Variants in GCKR observed in about 807,000 individuals in gnomAD.
GCKR encodes glucokinase regulator.
A neutral mutation model predicts 82.9 loss-of-function variants in GCKR; 73 were observed. That is an observed-to-expected ratio of 0.88 (90% CI 0.73 to 1.07). GCKR has a LOEUF of 1.07. Ranked by LOEUF, GCKR falls within the 50% of genes least tolerant of loss-of-function variation. The pLI, the probability that GCKR is intolerant of heterozygous loss-of-function variation, is 0.00. For missense variants in GCKR, 784 were observed against 782.1 expected (o/e 1.00, Z -0.03); for synonymous variants, 294 against 291.8 (o/e 1.01, Z -0.08).
intron 14 of GCKR, 41 bp from the exon 15 acceptor site, chr2:27,507,936 A>G (rs371904450): frequency 3.2e-5 from 45 of 1,420,858 alleles, no homozygotes; most frequent in Non-Finnish European, 4.5e-5. Flanking sequence ...GAACAGCTGC[A>G]CAGCCAGCCT....
In GCKR at chr2:27,505,828, A is replaced by G; in HGVS notation, c.861A>G (p.Ala287=). The change falls in exon 10 of 19, where the codon GCA becomes GCG. Residue 287 remains alanine (A), a synonymous_variant. Transcript: ENST00000264717. The part of the protein sequence containing the change: ...AHKTVDQGIA[A]SQRCLLEILR... ...AGACTGTGGACCAGGGCATTGCAGC[A>G]TCTCAAAGGTAGGGAGGATCTGGAT... 6.6e-7 allele frequency: 1 copy of G among 1,525,974 alleles called. No individual in the cohort carries two copies. Among genetic ancestry groups the G allele is most frequent in the Non-Finnish European group, 9.1e-7 (1 of 1,099,580 alleles). The allele number at this position is 1,525,974 out of a possible 1,614,324, so 94.5% of individuals were successfully genotyped here.
intron 16 of GCKR, among the ~76,000 whole-genome samples, chr2:27,512,259 C>T (rs1463337893): frequency 1.5e-5 from 2 of 131,198 alleles, no homozygotes; most frequent in Admixed American, 7.9e-5. Flanking sequence ...AAAAAAAAGC[C>T]GGGCGTGGTG....
At chr2:27,505,977 T>C (rs1412514129) in intron 10 of GCKR, 141 bp downstream of exon 10, 1 of 738,200 alleles carries the variant, frequency 1.4e-6, no homozygotes, top group Non-Finnish European at 2.5e-6. Context: ...GGAAGGGAGC[T>C]GGGTAGTACA....
rs1383924524 is a variant in GCKR at position 27,523,415 on chromosome 2, G to A, written c.1854G>A (p.Glu618=). The A allele has an allele frequency of 6.2e-7, 1 of 1,608,922 alleles. No individual in the cohort carries two copies. The highest frequency in any genetic ancestry group is 1.1e-5 in the South Asian group (1 of 91,074). Residue 618 remains glutamate (E), a synonymous_variant, in exon 19 of 19, where the codon GAG becomes GAA. Transcript: ENST00000264717. ...PGQKRTADPL[E]ILEPDVQ The stretch of plus-strand genomic sequence containing the variant: ...AGAAGCGCACTGCGGACCCCCTCGA[G>A]ATCCTAGAGCCTGACGTTCAGTGAA...
chr2:27,505,192 C>T (rs201242863), intron 9 of GCKR, among the ~76,000 whole-genome samples: 37 of 139,732 alleles, frequency 2.6e-4, no homozygotes, highest in Admixed American at 1.4e-3. Flanking sequence ...GTCAGGAGAT[C>T]GAGACCATCC....
intron 10 of GCKR, 88 bp downstream of exon 10, chr2:27,505,924 T>G: frequency 1.2e-6 from 1 of 812,676 alleles, no homozygotes; most frequent in Non-Finnish European, 2.2e-6. Flanking sequence ...ATCCAAGGAC[T>G]GGGCTGGTGG....
intron 16 of GCKR, among the ~76,000 whole-genome samples, 179 bp from the exon 17 acceptor site, chr2:27,518,609 A>C (rs768179579): frequency 6.6e-6 from 1 of 152,196 alleles, no homozygotes; most frequent in African/African-American, 2.4e-5. Flanking sequence ...TGCCTGAGAC[A>C]ATCCTGGTTT....
In GCKR at chr2:27,523,631, T is replaced by A; in HGVS notation, c.*192T>A. On this transcript the variant is annotated 3_prime_UTR_variant, in exon 19 of 19. Coordinates refer to ENST00000264717, the MANE Select transcript of GCKR (RefSeq NM_001486.4). ...TTGCTCTCGACCTAGTGGTTTCTAC[T>A]CTCACCGACTTATTCTGATTTCAGA... 1.6e-6 allele frequency: 1 copy of A among 608,932 alleles called. No homozygotes were observed. Among genetic ancestry groups the A allele is most frequent in the Non-Finnish European group, 2.9e-6 (1 of 342,776 alleles). 37.7% of individuals were successfully genotyped at this position (608,932 alleles called of 1,614,324 possible).
intron 16 of GCKR, 42 bp from the exon 17 acceptor site, chr2:27,518,746 G>T (rs770959403): frequency 6.4e-7 from 1 of 1,565,650 alleles, no homozygotes; most frequent in Admixed American, 1.7e-5. Context: ...CTGCTTTTCT[G>T]TCCTCTAATT....
In GCKR at chr2:27,523,558, G is replaced by A. The variant is rs904857320; in HGVS notation, c.*119G>A. The A allele has an allele frequency of 2.3e-5, 22 of 962,238 alleles. No homozygotes were observed. The highest frequency in any genetic ancestry group is 3.0e-4 in the Middle Eastern group (1 of 3,292). 59.6% of individuals were successfully genotyped at this position (962,238 alleles called of 1,614,324 possible). On this transcript the variant is annotated 3_prime_UTR_variant, in exon 19 of 19. Transcript: ENST00000264717. ...AAGAAGCCCCGTTTCCAGGGCATCC[G>A]CAGCCCAGGGTAGGGAGAAATATTC...
chr2:27,514,252 CGT>C (rs1491157696), intron 16 of GCKR, among the ~76,000 whole-genome samples: 2 of 150,702 alleles, frequency 1.3e-5, no homozygotes, highest in African/African-American at 2.5e-5. Flanking sequence ...AATGTGTCTG[CGT>C]ATATATATAT....
At chr2:27,504,005 C>T (rs1346946347) in intron 9 of GCKR, among the ~76,000 whole-genome samples, 1 of 152,176 alleles carries the variant, frequency 6.6e-6, no homozygotes, top group African/African-American at 2.4e-5. Context: ...TTGTTTCATT[C>T]TTCTGCCTTT....
intron 17 of GCKR, among the ~76,000 whole-genome samples, chr2:27,520,623 G>T (rs1361448258): frequency 1.3e-5 from 2 of 152,190 alleles, no homozygotes; most frequent in African/African-American, 4.8e-5. Flanking sequence ...TGTGACTGAG[G>T]AACTGAATTT....
rs756422845 is a variant in GCKR, at chr2:27,506,524, G to T, written c.913G>T (p.Val305Leu). Residue 305 changes from valine (V) to leucine (L), a missense_variant, in exon 11 of 19, where the codon GTG (valine) becomes TTG (leucine). Coordinates refer to ENST00000264717, the MANE Select transcript of GCKR (RefSeq NM_001486.4). ...ILRTFERAHQ[V>L]TYSQSPKIAT... Reference sequence around the variant, plus strand: ...GCGGACATTTGAGCGAGCTCATCAGGTGACCTACAGCCAAAGCCCCAAGAT... The same window carrying T: ...GCGGACATTTGAGCGAGCTCATCAGTTGACCTACAGCCAAAGCCCCAAGAT... 2 of 1,614,006 alleles carry T rather than the reference G, an allele frequency of 1.2e-6. No individual in the cohort carries two copies.
chr2:27,520,817 C>T (rs1558443622), intron 17 of GCKR, among the ~76,000 whole-genome samples: 2 of 152,100 alleles, frequency 1.3e-5, no homozygotes, highest in African/African-American at 2.4e-5. Flanking sequence ...AGGCAGATCA[C>T]TTGAGGTCAG....
intron 9 of GCKR, among the ~76,000 whole-genome samples, chr2:27,504,036 G>T (rs1189382029): frequency 6.6e-6 from 1 of 152,122 alleles, no homozygotes; most frequent in Non-Finnish European, 1.5e-5. Context: ...TCCAAAATTG[G>T]GTGGCCCTTC....
rs769212519 is a variant in GCKR at position 27,507,237 on chromosome 2, T to C, written c.1069T>C (p.Phe357Leu). The change falls in exon 13 of 19, where the codon TTC becomes CTC. Residue 357 changes from phenylalanine to leucine, a missense_variant and splice_region_variant. Physicochemically the swap from Phe to Leu is conservative, Grantham distance 22. Transcript: ENST00000264717. ...VECIHTFGAD[F>L]RDVRGFLIGD... Reference sequence around the variant, plus strand: ...CTCCTTGTTCTTAAACTTCCCAGATTTCCGAGATGTCCGTGGCTTTCTCAT... The same window carrying C: ...CTCCTTGTTCTTAAACTTCCCAGATCTCCGAGATGTCCGTGGCTTTCTCAT... The C allele has an allele frequency of 6.2e-7, 1 of 1,607,268 alleles. No individual in the cohort carries two copies.
intron 16 of GCKR, 152 bp downstream of exon 16, chr2:27,508,403 A>G (rs1669803866): frequency 1.5e-6 from 1 of 667,398 alleles, no homozygotes; most frequent in South Asian, 1.6e-5. Flanking sequence ...TTACCAGGTT[A>G]CTAGTCAGAA....
chr2:27,509,479 A>G (rs779625390), intron 16 of GCKR: 3 of 426,526 alleles, frequency 7.0e-6, no homozygotes, highest in Non-Finnish European at 1.4e-5. Flanking sequence ...AGGTAGGACC[A>G]CAGGCACTCA....
Sources: allele counts gnomAD v4.1 joint callset (sites outside exome capture counted in the v4.1 genomes callset), GRCh38; gene constraint gnomAD v4.1.1; transcripts MANE v1.5; gene names NCBI Gene and HGNC (gene_info 2026-07-23, HGNC 2026-07-21).